The following CAMTA1 variants were observed in gnomAD, a reference collection of about 807,000 sequenced individuals.
The protein encoded by CAMTA1 is calmodulin binding transcription activator 1.
In CAMTA1, 27 loss-of-function variants were observed where a neutral mutation model predicts 170.9. The observed-to-expected ratio is 0.16, with a 90% CI of 0.12 to 0.22. CAMTA1 has a LOEUF of 0.22. Ranked by LOEUF, CAMTA1 falls within the 10% of genes least tolerant of loss-of-function variation. The probability of loss-of-function intolerance (pLI) is 1.00; values close to 1 mark genes in which losing one functional copy is unlikely to be tolerated. For missense variants in CAMTA1, 1,619 were observed against 2,217.2 expected, an observed-to-expected ratio of 0.73 and a Z score of 5.42; for synonymous variants, 833 against 891.5, an observed-to-expected ratio of 0.93 and a Z score of 1.17.
At chr1:6,960,527 G>C (rs1197327718) in intron 3 of CAMTA1, among the ~76,000 whole-genome samples, 2 of 151,990 alleles carry the variant, frequency 1.3e-5, no homozygotes, top group Non-Finnish European at 2.9e-5. Context: ...TCAAAGTCCA[G>C]CTCAAATGTC....
chr1:6,872,079 C>CAGT (rs1460694105), intron 3 of CAMTA1: 4 of 680,200 alleles, frequency 5.9e-6, no homozygotes, highest in Non-Finnish European at 7.7e-6. Context: ...TTTCCCCATA[C>CAGT]AGTATATTTC....
intron 3 of CAMTA1, among the ~76,000 whole-genome samples, chr1:6,924,108 A>G (rs928331447): frequency 3.3e-5 from 5 of 152,226 alleles, no homozygotes; most frequent in African/African-American, 9.6e-5. Context: ...GCCACACGGC[A>G]TGACTTTGTT....
intron 6 of CAMTA1, among the ~76,000 whole-genome samples, chr1:7,493,375 A>G (rs1293488811): frequency 9.7e-5 from 7 of 72,162 alleles, no homozygotes; most frequent in East Asian, 6.9e-4. Context: ...ACACGTGCGC[A>G]CACACAAACA....
intron 9 of CAMTA1, among the ~76,000 whole-genome samples, chr1:7,667,873 C>A (rs2096015105): frequency 6.6e-6 from 1 of 152,228 alleles, no homozygotes; most frequent in South Asian, 2.1e-4. Flanking sequence ...TGCGCATAAG[C>A]CACCCAGCTA....
chr1:6,915,872 A>G (rs1460746453), intron 3 of CAMTA1, among the ~76,000 whole-genome samples: 1 of 152,156 alleles, frequency 6.6e-6, no homozygotes, highest in Non-Finnish European at 1.5e-5. Flanking sequence ...CTATCCTACA[A>G]CTGAGTCTCT....
chr1:7,705,651 G>A lies in CAMTA1; in HGVS notation c.2915-26797G>A, dbSNP rs6682275. 9.5e-3 allele frequency among the ~76,000 whole-genome samples: 1,445 copies of A among 152,174 alleles called. 22 individuals carry two copies. The highest frequency in any genetic ancestry group is 0.033 in the African/African-American group (1,356 of 41,560). ...CCGCCTCCTTCCCGCGGCGGGGCCCGCGGAGCTCCCGGTTTCCCTGGGCAG... is the reference window on the plus strand; with the variant it reads ...CCGCCTCCTTCCCGCGGCGGGGCCCACGGAGCTCCCGGTTTCCCTGGGCAG... On this transcript the variant is annotated intron_variant, in intron 11 of 22. Coordinates refer to ENST00000303635, the MANE Select transcript of CAMTA1 (RefSeq NM_015215.4).
intron 3 of CAMTA1, chr1:6,853,158 A>G (rs890157067): frequency 1.3e-5 from 2 of 152,266 alleles, no homozygotes; most frequent in Admixed American, 6.5e-5. Context: ...ATGCGTGGAA[A>G]AGTGAAGACC....
At chr1:7,688,276 A>T in intron 11 of CAMTA1, among the ~76,000 whole-genome samples, 1 of 152,086 alleles carries the variant, frequency 6.6e-6, no homozygotes, top group East Asian at 1.9e-4. Context: ...AAGTGCTGGG[A>T]TTACAGGCGT....
rs1026763049 is a variant in CAMTA1, at chr1:7,598,987, T to C, written c.511-41413T>C. On this transcript the variant is annotated intron_variant, in intron 6 of 22. Transcript: ENST00000303635. ...TTTTGGCTTTTGTTGCCATTGCTTTTGGTGTTTTAGACATGAAGTCCTTGC... is the reference window on the plus strand; with the variant it reads ...TTTTGGCTTTTGTTGCCATTGCTTTCGGTGTTTTAGACATGAAGTCCTTGC... 2.5e-3 allele frequency among the ~76,000 whole-genome samples: 382 copies of C among 152,224 alleles called. 2 individuals carry two copies. Among genetic ancestry groups the C allele is most frequent in the Non-Finnish European group, 4.3e-3 (293 of 68,040 alleles).
At chr1:7,035,357 G>A (rs537046555) in intron 3 of CAMTA1, among the ~76,000 whole-genome samples, 2 of 151,958 alleles carry the variant, frequency 1.3e-5, no homozygotes, top group East Asian at 1.9e-4. Flanking sequence ...CCGAGATTGC[G>A]CCATTGCACT....
intron 3 of CAMTA1, among the ~76,000 whole-genome samples, chr1:6,877,216 A>AAC (rs1670163631): frequency 6.6e-6 from 1 of 152,166 alleles, no homozygotes; most frequent in Admixed American, 6.5e-5. Flanking sequence ...CATGGAAACA[A>AAC]ATGATAGAAG....
At chr1:7,290,416 G>C (rs1672955561) in intron 5 of CAMTA1, among the ~76,000 whole-genome samples, 1 of 152,212 alleles carries the variant, frequency 6.6e-6, no homozygotes, top group Non-Finnish European at 1.5e-5. Flanking sequence ...TATATGTGGA[G>C]TAGTGGATGT....
intron 6 of CAMTA1, among the ~76,000 whole-genome samples, chr1:7,594,981 G>A (rs978897974): frequency 5.9e-5 from 9 of 152,236 alleles, no homozygotes; most frequent in East Asian, 1.9e-4. Flanking sequence ...AGGGTCAGGC[G>A]ATGGGGGATC....
intron 3 of CAMTA1, chr1:6,886,183 A>C (rs1348007055): frequency 2.2e-6 from 1 of 455,198 alleles, no homozygotes; most frequent in African/African-American, 2.0e-5. Context: ...CCCAAAATGT[A>C]AACTTAATAA....
chr1:7,726,979 G>T (rs1410223772), intron 11 of CAMTA1, among the ~76,000 whole-genome samples: 1 of 152,126 alleles, frequency 6.6e-6, no homozygotes, highest in Non-Finnish European at 1.5e-5. Flanking sequence ...CACTTGGACT[G>T]TCCTAAGGAC....
At position 7,673,507 on chromosome 1, in the gene CAMTA1, TCTC is replaced by T. The variant is rs1275588695; in HGVS notation, c.2779+2473_2779+2475del. ...GGCAGTTTGGGTCTCAACAGGCAGT[TCTC>T]CTGGTCCTGGGGCATTTCTGGGTCC... On this transcript the variant is annotated intron_variant, in intron 10 of 22. Coordinates refer to ENST00000303635, the MANE Select transcript of CAMTA1 (RefSeq NM_015215.4). The surrounding 1 kb of genome is among the most constrained non-coding windows in gnomAD (Gnocchi z 4.6). Among the ~76,000 whole-genome samples, 1 of 152,102 alleles carries T rather than the reference TCTC, an allele frequency of 6.6e-6. No individual in the cohort carries two copies. Among genetic ancestry groups the T allele is most frequent in the Non-Finnish European group, 1.5e-5 (1 of 67,982 alleles).
chr1:7,576,736 C>T (rs959507138), intron 6 of CAMTA1, among the ~76,000 whole-genome samples: 4 of 152,050 alleles, frequency 2.6e-5, no homozygotes, highest in Admixed American at 6.6e-5. Context: ...GTGATGGGAG[C>T]GGGTGCTGCA....
chr1:7,728,010 A>G (rs571308252), intron 11 of CAMTA1, among the ~76,000 whole-genome samples: 1 of 152,250 alleles, frequency 6.6e-6, no homozygotes, highest in Non-Finnish European at 1.5e-5. Context: ...CCCCTTTGGA[A>G]TTGAGAGGCT....
chr1:7,320,932 G>C (rs1427275551), intron 5 of CAMTA1, among the ~76,000 whole-genome samples: 1 of 152,078 alleles, frequency 6.6e-6, no homozygotes, highest in Non-Finnish European at 1.5e-5. Flanking sequence ...AATGACACCT[G>C]GGGTCTCTGA....
Sources: allele counts gnomAD v4.1 joint callset (sites outside exome capture counted in the v4.1 genomes callset), GRCh38; gene constraint gnomAD v4.1.1; non-coding constraint Gnocchi (gnomAD v3.1); transcripts MANE v1.5; gene names NCBI Gene and HGNC (gene_info 2026-07-23, HGNC 2026-07-21).